The following NCKAP1 variants were observed in gnomAD, a reference collection of about 807,000 sequenced individuals.
NCKAP1 encodes the protein nck-associated protein 1.
A neutral mutation model predicts 151.2 loss-of-function variants in NCKAP1; 21 were observed. The observed-to-expected ratio is 0.14, with a 90% CI of 0.10 to 0.20. The LOEUF is 0.20. Ranked by LOEUF, NCKAP1 falls within the 10% of genes least tolerant of loss-of-function variation. NCKAP1 has a pLI of 1.00. For missense variants in NCKAP1, 933 were observed against 1,352.1 expected (o/e 0.69, Z 4.86); for synonymous variants, 484 against 451.8 (o/e 1.07, Z -0.90).
chr2:182,933,374 T>C lies in NCKAP1; in HGVS notation c.2859+1378A>G, dbSNP rs1696803921. On this transcript the variant is annotated intron_variant, in intron 26 of 30. Coordinates refer to ENST00000361354, the MANE Select transcript of NCKAP1 (RefSeq NM_013436.5). ...GTGGCAGAAGATAAGCCTCAAAAAG[T>C]TTGAGTGGCACCACATTTTTTTTTT... Among the ~76,000 whole-genome samples the C allele has an allele frequency of 4.7e-5, 7 of 149,064 alleles. No homozygotes were observed. In the Admixed American group the frequency reaches 4.8e-4, roughly 10 times the overall value.
chr2:182,986,303 A>C (rs1698055518), intron 9 of NCKAP1, 76 bp from the exon 10 acceptor site: 2 of 1,188,642 alleles, frequency 1.7e-6, no homozygotes, highest in African/African-American at 3.1e-5. Flanking sequence ...TAATACTAGA[A>C]GTCAATTAAA....
chr2:182,997,657 C>T (rs1242008384), intron 6 of NCKAP1, among the ~76,000 whole-genome samples: 1 of 152,114 alleles, frequency 6.6e-6, no homozygotes, highest in African/African-American at 2.4e-5. Flanking sequence ...CAGGAATAAA[C>T]AGAAATCCTG....
chr2:182,928,446 A>T (rs1696692335), intron 28 of NCKAP1, among the ~76,000 whole-genome samples: 2 of 152,134 alleles, frequency 1.3e-5, no homozygotes, highest in Admixed American at 6.6e-5. Context: ...TTAAACAGGC[A>T]AACACTTCTG....
intron 8 of NCKAP1, among the ~76,000 whole-genome samples, chr2:182,994,518 T>C (rs1698229080): frequency 6.6e-6 from 1 of 151,890 alleles, no homozygotes; most frequent in African/African-American, 2.4e-5. Context: ...GTGTGCCTGT[T>C]GTCCCGGCTA....
rs1337617048 is a variant in NCKAP1, at chr2:182,953,149, T to C, written c.2336A>G (p.His779Arg). 6.2e-7 allele frequency: 1 copy of C among 1,613,516 alleles called. No individual in the cohort carries two copies. The change falls in exon 21 of 31, where the codon CAT becomes CGT. Residue 779 changes from histidine (H) to arginine (R), a missense_variant. Physicochemically the swap from His to Arg is conservative, Grantham distance 29. Coordinates refer to ENST00000361354, the MANE Select transcript of NCKAP1 (RefSeq NM_013436.5). Reference sequence around the variant, plus strand: ...TAGACTTGTAATGGTTGGCTCTCCATGACTGTCTAAATGTTGTGTTTGTTG... The same window carrying C: ...TAGACTTGTAATGGTTGGCTCTCCACGACTGTCTAAATGTTGTGTTTGTTG... ...LLQQTQHLDS[H>R]GEPTITSLYT...
chr2:182,961,929 T>C (rs921753382), intron 18 of NCKAP1, among the ~76,000 whole-genome samples: 1 of 152,184 alleles, frequency 6.6e-6, no homozygotes, highest in Non-Finnish European at 1.5e-5. Flanking sequence ...TACACACATG[T>C]AAAAACTACA....
In NCKAP1 at chr2:182,930,660, A is replaced by G. The variant is rs1420868209; in HGVS notation, c.2953+35T>C. The G allele has an allele frequency of 4.5e-6, 7 of 1,538,700 alleles. No homozygotes were observed. The African/African-American group carries it at 9.6e-5, about 21-fold the overall frequency. ...TACCTATGCTGCCCTGGTAACTTTA[A>G]CTAAGAGTATTAAATATTTACTAAT... On this transcript the variant is annotated intron_variant, in intron 27 of 30. Coordinates refer to ENST00000361354, the MANE Select transcript of NCKAP1 (RefSeq NM_013436.5).
intron 8 of NCKAP1, among the ~76,000 whole-genome samples, chr2:182,989,802 C>G (rs1698131078): frequency 6.6e-6 from 1 of 151,866 alleles, no homozygotes; most frequent in Non-Finnish European, 1.5e-5. Flanking sequence ...GAGTTCGAGA[C>G]CAGCCTGACC....
At chr2:183,000,441 C>T (rs531395945) in intron 6 of NCKAP1, among the ~76,000 whole-genome samples, 19 of 151,900 alleles carry the variant, frequency 1.3e-4, no homozygotes, top group Middle Eastern at 6.8e-3. Context: ...AAAAACAAGA[C>T]CATACATGAT....
chr2:182,970,608 G>A (rs541416848), intron 15 of NCKAP1, among the ~76,000 whole-genome samples: 3 of 152,106 alleles, frequency 2.0e-5, no homozygotes, highest in East Asian at 3.9e-4. Flanking sequence ...TAACAAACTA[G>A]GTATGGAAGA....
rs966104463 is a variant in NCKAP1, at chr2:182,920,194, G to C, written c.*5508C>G. 1.3e-5 allele frequency: 2 copies of C among 152,082 alleles called. No homozygotes were observed. The highest frequency in any genetic ancestry group is 4.8e-5 in the African/African-American group (2 of 41,350). 9.4% of individuals were successfully genotyped at this position (152,082 alleles called of 1,614,324 possible). A position where few individuals can be genotyped will look rare whatever the true frequency, so the allele number is the denominator to read the frequency against. ...TAGACATATTGCCCAGGCTGCTCTC[G>C]AACTTCTAGGCTCAAATGATACCTC... On this transcript the variant is annotated 3_prime_UTR_variant, in exon 31 of 31. Transcript: ENST00000361354.
At chr2:183,006,691 T>C (rs1698477800) in intron 2 of NCKAP1, among the ~76,000 whole-genome samples, 1 of 152,182 alleles carries the variant, frequency 6.6e-6, no homozygotes, top group Non-Finnish European at 1.5e-5. Context: ...GGAGAGTAGA[T>C]ACTACCAAAA....
In NCKAP1 at chr2:182,939,208, A is replaced by T. The variant is rs780510569; in HGVS notation, c.2695+2862T>A. On this transcript the variant is annotated intron_variant, in intron 24 of 30. Coordinates refer to ENST00000361354, the MANE Select transcript of NCKAP1 (RefSeq NM_013436.5). ...AAAAATATTAAACAGACATAAGGAG[A>T]TTTGCCCAAGTCACATAGAAGTCTT... is the stretch of plus-strand genomic sequence containing the variant. 8.4e-4 allele frequency among the ~76,000 whole-genome samples: 128 copies of T among 152,246 alleles called. No homozygotes were observed. The Middle Eastern group carries it at 0.014, about 16-fold the overall frequency.
intron 2 of NCKAP1, among the ~76,000 whole-genome samples, chr2:183,012,488 T>C (rs1227487171): frequency 6.6e-6 from 1 of 152,208 alleles, no homozygotes; most frequent in East Asian, 1.9e-4. Context: ...GGAGACAAAG[T>C]GAGGTGGCAT....
At chr2:182,978,945 A>C (rs1697881114) in intron 13 of NCKAP1, 30 bp from the exon 14 acceptor site, 1 of 1,516,870 alleles carries the variant, frequency 6.6e-7, no homozygotes, top group African/African-American at 1.4e-5. Context: ...TAACGTTAAA[A>C]ACATCTATAG....
At chr2:182,981,444 C>A in intron 12 of NCKAP1, 68 bp from the exon 13 acceptor site, 1 of 1,209,644 alleles carries the variant, frequency 8.3e-7, no homozygotes, top group South Asian at 1.4e-5. Flanking sequence ...ATATTCGATG[C>A]CCTTAATCTT....
At chr2:183,015,655 G>A (rs1698669883) in intron 2 of NCKAP1, among the ~76,000 whole-genome samples, 1 of 151,782 alleles carries the variant, frequency 6.6e-6, no homozygotes, top group Non-Finnish European at 1.5e-5. Flanking sequence ...TTCTCTTTAA[G>A]GCTAAATATA....
intron 24 of NCKAP1, among the ~76,000 whole-genome samples, chr2:182,937,466 G>C (rs1453366873): frequency 2.6e-5 from 4 of 152,154 alleles, no homozygotes; most frequent in African/African-American, 4.8e-5. Context: ...CAAATAGGTA[G>C]TGGGGGACAG....
chr2:182,973,689 T>A (rs78418774), intron 15 of NCKAP1, among the ~76,000 whole-genome samples: 1,590 of 152,268 alleles, frequency 0.01, 14 homozygotes, highest in African/African-American at 0.028. Context: ...TGCTTTTACC[T>A]AACAATTCTT....
Sources: gnomAD v4.1 joint callset for allele counts (sites outside exome capture counted in the v4.1 genomes callset) on GRCh38, gnomAD v4.1.1 for gene constraint, MANE v1.5 for transcripts, NCBI Gene and HGNC (gene_info 2026-07-23, HGNC 2026-07-21) for gene names.